NCOR2: variants seen among roughly 807,000 people sequenced by gnomAD.
NCOR2 encodes the protein nuclear receptor corepressor 2, also known as CTG repeat protein 26.
A neutral mutation model predicts 262.9 loss-of-function variants in NCOR2; 81 were observed. That is an observed-to-expected ratio of 0.31 (90% CI 0.26 to 0.37). The LOEUF (loss-of-function observed/expected upper bound fraction) is 0.37, where lower values mean the gene tolerates loss of function less well. Among genes scored for constraint, NCOR2 ranks in the 10% least tolerant of loss-of-function variants. The probability of loss-of-function intolerance (pLI) is 1.00; values close to 1 mark genes in which losing one functional copy is unlikely to be tolerated. For synonymous variants in NCOR2, 1,659 were observed against 1,559.3 expected (o/e 1.06, Z -1.51); for missense variants, 3,385 against 3,621.4 (o/e 0.93, Z 1.68).
exon 26 of NCOR2, chr12:124,354,482 C>T (rs1463985219): frequency 6.4e-7 from 1 of 1,551,910 alleles, no homozygotes. Context: ...CCTCACCTCT[C>T]AGCACGGACG....
chr12:124,486,611 G>C, intron 1 of NCOR2, 43 bp from the exon 4 acceptor site: 1 of 1,531,400 alleles, frequency 6.5e-7, no homozygotes, highest in Non-Finnish European at 8.8e-7. Flanking sequence ...GGCGGGCACG[G>C]GCATGGCGGG....
chr12:124,350,443 G>C, intron 28 of NCOR2, 144 bp downstream of exon 30: 3 of 1,043,014 alleles, frequency 2.9e-6, no homozygotes, highest in Middle Eastern at 2.1e-4. Flanking sequence ...CTGCTGGCTT[G>C]CATACCTGCA....
At chr12:124,346,294 G>A (rs1361675835) in intron 31 of NCOR2, among the ~76,000 whole-genome samples, 1 of 152,168 alleles carries the variant, frequency 6.6e-6, no homozygotes, top group Non-Finnish European at 1.5e-5. Context: ...CTGTGGCCTT[G>A]GAAGCCTGCC....
At chr12:124,349,958 G>C (rs1429229710) in intron 28 of NCOR2, among the ~76,000 whole-genome samples, 3 of 152,186 alleles carry the variant, frequency 2.0e-5, no homozygotes, top group Non-Finnish European at 4.4e-5. Flanking sequence ...CCACCTCCCA[G>C]GCCTGGGGAG....
chr12:124,407,937 T>C (rs1264771777), intron 13 of NCOR2, among the ~76,000 whole-genome samples: 1 of 152,214 alleles, frequency 6.6e-6, no homozygotes, highest in Non-Finnish European at 1.5e-5. Context: ...GGGTTCCCTG[T>C]TGCTGGCAGC....
chr12:124,437,041 C>T (rs993722785), intron 8 of NCOR2, among the ~76,000 whole-genome samples: 1 of 152,050 alleles, frequency 6.6e-6, no homozygotes, highest in African/African-American at 2.4e-5. Context: ...AGTAGAGACC[C>T]TGCCACTGCA....
chr12:124,385,518 G>A (rs927114862), intron 17 of NCOR2, among the ~76,000 whole-genome samples: 2 of 152,218 alleles, frequency 1.3e-5, no homozygotes, highest in African/African-American at 4.8e-5. Flanking sequence ...GTGGAGGGCA[G>A]CCTGGCCCGG....
intron 28 of NCOR2, 24 bp downstream of exon 30, chr12:124,350,563 G>T (rs780658147): frequency 1.2e-6 from 2 of 1,604,512 alleles, no homozygotes; most frequent in African/African-American, 2.7e-5. Context: ...CTGGTCCTGG[G>T]CCTCCTCTCC....
At chr12:124,395,702 G>A (rs2041610579) in intron 16 of NCOR2, among the ~76,000 whole-genome samples, 1 of 152,086 alleles carries the variant, frequency 6.6e-6, no homozygotes, top group Non-Finnish European at 1.5e-5. Context: ...CGGTGGGGGC[G>A]GGGGTGGTCA....
chr12:124,388,857 T>A (rs940719299), intron 16 of NCOR2: 76 of 613,796 alleles, frequency 1.2e-4, no homozygotes, highest in Non-Finnish European at 1.8e-4. Context: ...TCCTTCTCCG[T>A]CCCACGGTGA....
chr12:124,552,395 C>T (rs1003106864), intron 1 of NCOR2, among the ~76,000 whole-genome samples: 2 of 152,116 alleles, frequency 1.3e-5, no homozygotes, highest in Non-Finnish European at 2.9e-5. Flanking sequence ...GTTTCTTTTA[C>T]ATTTTGCTTT....
chr12:124,448,220 CT>C (rs1391230861), intron 7 of NCOR2, among the ~76,000 whole-genome samples: 1 of 152,230 alleles, frequency 6.6e-6, no homozygotes, highest in Non-Finnish European at 1.5e-5. Flanking sequence ...CCTAAACCAC[CT>C]GTGATGAGGT....
chr12:124,557,365 G>C (rs970085729), intron 1 of NCOR2, among the ~76,000 whole-genome samples: 2 of 152,228 alleles, frequency 1.3e-5, no homozygotes, highest in African/African-American at 4.8e-5. Context: ...CTCTGCGGGG[G>C]AGTCTGTCCT....
At chr12:124,535,786 C>CA (rs1331405710), upstream of NCOR2, among the ~76,000 whole-genome samples, 1 of 152,202 alleles carries the variant, frequency 6.6e-6, no homozygotes, top group Non-Finnish European at 1.5e-5. Flanking sequence ...ACCTATTTGA[C>CA]AGAGAGGGAG....
intron 1 of NCOR2, among the ~76,000 whole-genome samples, chr12:124,524,469 CCTT>C (rs907972524): frequency 5.3e-5 from 8 of 152,344 alleles, no homozygotes; most frequent in Middle Eastern, 3.4e-3. Flanking sequence ...AGGTGACTCT[CCTT>C]CTCCTTGGCT....
chr12:124,448,733 A>G (rs2045341653), intron 7 of NCOR2, among the ~76,000 whole-genome samples: 1 of 152,222 alleles, frequency 6.6e-6, no homozygotes, highest in South Asian at 2.1e-4. Context: ...CGACTAGTCC[A>G]GCACCAGCAG....
In NCOR2 at chr12:124,554,310, G is replaced by A. The variant is rs1481510086; in HGVS notation, c.-165+12998C>T. ...AGTGGGGATGGGTGTCCAAGGCTCC[G>A]TGCCCTCCCCATGGCCCACCTCCCA... On this transcript the variant is annotated intron_variant, in intron 1 of 32. Coordinates refer to the NCOR2 transcript ENST00000458234. 5.3e-5 allele frequency among the ~76,000 whole-genome samples: 8 copies of A among 152,278 alleles called. No individual in the cohort carries two copies. In the South Asian group the frequency reaches 6.2e-4, roughly 12 times the overall value.
intron 20 of NCOR2, among the ~76,000 whole-genome samples, chr12:124,366,535 A>T (rs2039051535): frequency 6.6e-6 from 1 of 152,062 alleles, no homozygotes; most frequent in Non-Finnish European, 1.5e-5. Flanking sequence ...TTTTTGAGAC[A>T]GGGTCTTGCT....
At chr12:124,424,867 G>T (rs1268796066) in intron 11 of NCOR2, among the ~76,000 whole-genome samples, 2 of 152,298 alleles carry the variant, frequency 1.3e-5, no homozygotes, top group East Asian at 3.9e-4. Flanking sequence ...TCCCCTCCTG[G>T]CCAAGCACAG....
Sources: gnomAD v4.1 joint callset for allele counts (sites outside exome capture counted in the v4.1 genomes callset) on GRCh38, gnomAD v4.1.1 for gene constraint, MANE v1.5 for transcripts, NCBI Gene and HGNC (gene_info 2026-07-23, HGNC 2026-07-21) for gene names.